The following ANXA5 variants were observed in gnomAD, a reference collection of about 807,000 sequenced individuals.
ANXA5 encodes the protein CBP-I.
A neutral mutation model predicts 48.1 loss-of-function variants in ANXA5; 40 were observed. That is an observed-to-expected ratio of 0.83 (90% CI 0.65 to 1.08). The LOEUF (loss-of-function observed/expected upper bound fraction) is 1.08. ANXA5 is among the 50% of genes least tolerant of loss of function. The pLI is 0.00. For synonymous variants in ANXA5, 113 were observed against 129.1 expected, an observed-to-expected ratio of 0.88 and a Z score of 0.85; for missense variants, 357 against 376.8, an observed-to-expected ratio of 0.95 and a Z score of 0.44.
rs1724583385 is a variant in ANXA5, at chr4:121,669,816, A to G, written c.781-92T>C. ...CCGGGTGCGGGTGAATCAATAAGGT[A>G]TAACAATTTAGTAGAACTGGGTTGA... On this transcript the variant is annotated intron_variant, in intron 11 of 12. Coordinates refer to ENST00000296511, the MANE Select transcript of ANXA5 (RefSeq NM_001154.4). The G allele has an allele frequency of 2.7e-6, 4 of 1,506,434 alleles. No individual in the cohort carries two copies. In the South Asian group the frequency reaches 4.9e-5, roughly 18 times the overall value. 93.3% of individuals were successfully genotyped at this position (1,506,434 alleles called of 1,614,324 possible).
chr4:121,680,027 A>G (rs149135906), intron 6 of ANXA5, among the ~76,000 whole-genome samples: 1 of 152,262 alleles, frequency 6.6e-6, no homozygotes, highest in Non-Finnish European at 1.5e-5. Context: ...GCTTTGACCA[A>G]TATTTCACCA....
At chr4:121,688,483 AG>A (rs1343228072) in intron 2 of ANXA5, among the ~76,000 whole-genome samples, 2 of 152,128 alleles carry the variant, frequency 1.3e-5, no homozygotes, top group Non-Finnish European at 2.9e-5. Context: ...CTGTATTCAG[AG>A]TTGAACCTAA....
chr4:121,670,457 T>G (rs576655349), intron 10 of ANXA5, among the ~76,000 whole-genome samples: 44 of 152,288 alleles, frequency 2.9e-4, no homozygotes. Flanking sequence ...CTTCCTATAC[T>G]CTCTACATAT....
intron 7 of ANXA5, 109 bp from the exon 8 acceptor site, chr4:121,678,059 A>G: frequency 1.2e-6 from 1 of 866,858 alleles, no homozygotes; most frequent in Non-Finnish European, 1.9e-6. Flanking sequence ...TAGGAATAAT[A>G]TGCTTTTATT....
intron 9 of ANXA5, among the ~76,000 whole-genome samples, chr4:121,672,236 G>T (rs1229441383): frequency 6.6e-6 from 1 of 152,168 alleles, no homozygotes; most frequent in Non-Finnish European, 1.5e-5. Flanking sequence ...CCTCTAGGAG[G>T]AAATACGTGT....
chr4:121,677,174 GACAA>G (rs1724713519), intron 8 of ANXA5, among the ~76,000 whole-genome samples: 1 of 152,082 alleles, frequency 6.6e-6, no homozygotes, highest in African/African-American at 2.4e-5. Flanking sequence ...AATGATACAT[GACAA>G]ACAACCAAGA....
Position 121,671,583 on chromosome 4 carries a change from T to A in ANXA5, c.685A>T (p.Thr229Ser). Residue 229 changes from threonine (T) to serine (S), a missense_variant, in exon 10 of 13, where the codon ACT (threonine) becomes TCT (serine). Thr to Ser is a moderately conservative substitution (Grantham distance 58). Transcript: ENST00000296511. The part of the protein sequence containing the change: ...FQIEETIDRE[T>S]SGNLEQLLLA... Reference sequence around the variant, plus strand: ...AGTAGTTGCTCTAAATTGCCAGAAGTCTCGCGGTCAATGGTTTCCTCAATT... The same window carrying A: ...AGTAGTTGCTCTAAATTGCCAGAAGACTCGCGGTCAATGGTTTCCTCAATT... The A allele has an allele frequency of 6.2e-7, 1 of 1,613,590 alleles. No individual in the cohort carries two copies. Among genetic ancestry groups the A allele is most frequent in the Non-Finnish European group, 8.5e-7 (1 of 1,179,618 alleles).
At chr4:121,696,247 T>G (rs949482202) in intron 2 of ANXA5, among the ~76,000 whole-genome samples, 1 of 152,166 alleles carries the variant, frequency 6.6e-6, no homozygotes, top group Non-Finnish European at 1.5e-5. Flanking sequence ...GGTTCTAATT[T>G]GAGCTACTCT....
At chr4:121,696,497 C>T in intron 2 of ANXA5, 84 bp downstream of exon 2, 1 of 1,257,790 alleles carries the variant, frequency 8.0e-7, no homozygotes, top group African/African-American at 1.5e-5. Flanking sequence ...AACTTTTTGG[C>T]TCTCAGACAA....
chr4:121,678,973 C>T (rs747086162), intron 6 of ANXA5, among the ~76,000 whole-genome samples: 1 of 152,116 alleles, frequency 6.6e-6, no homozygotes, highest in African/African-American at 2.4e-5. Flanking sequence ...TGAGAGACAG[C>T]AATGATATTT....
At chr4:121,673,261 A>G (rs1366572740) in intron 8 of ANXA5, among the ~76,000 whole-genome samples, 1 of 152,232 alleles carries the variant, frequency 6.6e-6, no homozygotes, top group East Asian at 1.9e-4. Context: ...TGGGGAAAAA[A>G]TATGCTTTCT....
Position 121,692,214 on chromosome 4 carries a change from C to T in ANXA5, c.9+4367G>A, listed in dbSNP as rs1456748940. On this transcript the variant is annotated intron_variant, in intron 2 of 12. Transcript: ENST00000296511. Reference sequence around the variant, plus strand: ...AGGGAAAAAAAACATCACTGGAGAACAGACTAAGTTGTTTGCATCGTGGTA... The same window carrying T: ...AGGGAAAAAAAACATCACTGGAGAATAGACTAAGTTGTTTGCATCGTGGTA... Among the ~76,000 whole-genome samples, 7 of 152,254 alleles carry T rather than the reference C, an allele frequency of 4.6e-5. No homozygotes were observed. In the East Asian group the frequency reaches 1.4e-3, roughly 29 times the overall value.
chr4:121,681,414 T>C, intron 6 of ANXA5: 2 of 336,922 alleles, frequency 5.9e-6, no homozygotes, highest in Non-Finnish European at 1.1e-5. Flanking sequence ...CCTACACTAA[T>C]TGCAAATCCT....
At chr4:121,674,976 T>C (rs1026903765) in intron 8 of ANXA5, among the ~76,000 whole-genome samples, 1 of 152,178 alleles carries the variant, frequency 6.6e-6, no homozygotes, top group Non-Finnish European at 1.5e-5. Flanking sequence ...TCAGTGTATA[T>C]AGTCATTAAC....
At chr4:121,669,120 T>C (rs1170806205) in intron 12 of ANXA5, among the ~76,000 whole-genome samples, 2 of 151,948 alleles carry the variant, frequency 1.3e-5, no homozygotes, top group Non-Finnish European at 2.9e-5. Flanking sequence ...GCACCTTGTT[T>C]TAAAAAGAAC....
intron 2 of ANXA5, among the ~76,000 whole-genome samples, chr4:121,692,331 T>C (rs1725000969): frequency 6.6e-6 from 1 of 152,232 alleles, no homozygotes; most frequent in Non-Finnish European, 1.5e-5. Flanking sequence ...TAATGTTGTG[T>C]CTCTTTACCA....
chr4:121,683,104 A>T (rs1724819682), intron 5 of ANXA5, among the ~76,000 whole-genome samples: 3 of 152,140 alleles, frequency 2.0e-5, no homozygotes, highest in African/African-American at 4.8e-5. Context: ...AGGCATGAAA[A>T]TAAAATACAA....
chr4:121,668,526 C>A lies in ANXA5; in HGVS notation c.905G>T (p.Gly302Val), dbSNP rs755863340. 1.9e-6 allele frequency: 3 copies of A among 1,613,068 alleles called. No individual in the cohort carries two copies. In the African/African-American group the frequency reaches 4.0e-5, roughly 22 times the overall value. Residue 302 changes from glycine (G) to valine (V), a missense_variant and splice_region_variant, in exon 13 of 13, where the codon GGA becomes GTA. Gly to Val is a moderately radical substitution (Grantham distance 109, BLOSUM62 -3). Coordinates refer to ENST00000296511, the MANE Select transcript of ANXA5 (RefSeq NM_001154.4). The part of the protein sequence containing the change: ...FATSLYSMIK[G>V]DTSGDYKKAL... ...TTTCTTATAGTCCCCAGATGTATCT[C>A]CCTGAAACCAAATGTATTCCATTAA...
At position 121,694,117 on chromosome 4, in the gene ANXA5, AGGG is replaced by A. The variant is rs1560590932; in HGVS notation, c.9+2461_9+2463del. 2.2e-3 allele frequency among the ~76,000 whole-genome samples: 78 copies of A among 35,382 alleles called. 2 individuals carry two copies. Among genetic ancestry groups the A allele is most frequent in the Non-Finnish European group, 3.7e-3 (64 of 17,124 alleles). 23.2% of individuals were successfully genotyped at this position (35,382 alleles called of 152,430 possible). ...CTATTGTGGGCGGGGGGGAGGGGGG[AGGG>A]ATAGCATTAGGAGATACAGCTAATG... On this transcript the variant is annotated intron_variant, in intron 2 of 12. Coordinates refer to ENST00000296511, the MANE Select transcript of ANXA5 (RefSeq NM_001154.4).
Sources: allele counts gnomAD v4.1 joint callset (sites outside exome capture counted in the v4.1 genomes callset), GRCh38; gene constraint gnomAD v4.1.1; transcripts MANE v1.5; gene names NCBI Gene and HGNC (gene_info 2026-07-23, HGNC 2026-07-21).